The following NT5C3A variants were observed in gnomAD, a reference collection of about 807,000 sequenced individuals.
NT5C3A encodes cytosolic 5'-nucleotidase 3A.
Under a neutral mutation model 40.0 loss-of-function variants are expected in NT5C3A, and 23 were observed. That is an observed-to-expected ratio of 0.58 (90% CI 0.41 to 0.81). NT5C3A has a LOEUF of 0.81. Among genes scored for constraint, NT5C3A ranks in the 40% least tolerant of loss-of-function variants. The pLI is 0.00. For synonymous variants in NT5C3A, 130 were observed against 141.4 expected (o/e 0.92, Z 0.57); for missense variants, 328 against 403.0 (o/e 0.81, Z 1.59).
At chr7:33,018,833 CAA>C (rs1229517488) in intron 6 of NT5C3A, among the ~76,000 whole-genome samples, 1 of 124,018 alleles carries the variant, frequency 8.1e-6, no homozygotes. Context: ...GACTCCATCT[CAA>C]AAAAAAAAGA....
At chr7:33,014,879 CA>C in intron 8 of NT5C3A, 48 bp from the exon 9 acceptor site, 1 of 1,479,544 alleles carries the variant, frequency 6.8e-7, no homozygotes, top group Non-Finnish European at 9.4e-7. Context: ...GGCAAAGAAA[CA>C]AATAATTTCA....
In NT5C3A at chr7:33,053,263, C is replaced by T. The variant is rs1281533192; in HGVS notation, c.138+9305G>A. Among the ~76,000 whole-genome samples, 6 of 152,120 alleles carry T rather than the reference C, an allele frequency of 3.9e-5. No individual in the cohort carries two copies. In the East Asian group the frequency reaches 5.8e-4, roughly 15 times the overall value. On this transcript the variant is annotated intron_variant, in intron 1 of 8. Coordinates refer to ENST00000610140, the MANE Select transcript of NT5C3A (RefSeq NM_001002010.5). ...AGTGCAATGGTGTAATTTTGGCTCACGGCAACCTCTGCCTCCCGGGTTCAA... is the reference window on the plus strand; with the variant it reads ...AGTGCAATGGTGTAATTTTGGCTCATGGCAACCTCTGCCTCCCGGGTTCAA...
At chr7:33,025,301 A>G (rs1319876238) in intron 2 of NT5C3A, among the ~76,000 whole-genome samples, 1 of 152,228 alleles carries the variant, frequency 6.6e-6, no homozygotes, top group Non-Finnish European at 1.5e-5. Flanking sequence ...AAGCAATTCA[A>G]CTATATGAAG....
Position 33,017,595 on chromosome 7 carries a change from T to A in NT5C3A, c.537A>T (p.Gly179=). ...GGAGCTTATCAAAGAAATTCTCATA[T>A]CCTTCTCTGTAAGATGGAGATAACA... The part of the protein sequence containing the change: ...VAESDVMLKE[G]YENFFDKLQQ... The change falls in exon 7 of 9, where the codon GGA becomes GGT. Residue 179 remains glycine, a synonymous_variant. Transcript: ENST00000610140. The A allele has an allele frequency of 6.2e-7, 1 of 1,612,630 alleles. No homozygotes were observed. Among genetic ancestry groups the A allele is most frequent in the Non-Finnish European group, 8.5e-7 (1 of 1,178,616 alleles).
At chr7:33,051,414 G>A (rs958047667) in intron 1 of NT5C3A, among the ~76,000 whole-genome samples, 4 of 152,112 alleles carry the variant, frequency 2.6e-5, no homozygotes, top group African/African-American at 7.2e-5. Flanking sequence ...CGCCCGCCTC[G>A]GCCTCCCAAA....
chr7:33,020,410 C>T (rs536613727), intron 5 of NT5C3A, among the ~76,000 whole-genome samples: 140 of 152,320 alleles, frequency 9.2e-4, no homozygotes, highest in Admixed American at 2.7e-3. Context: ...AGCTCATTCT[C>T]CCAGGGAAGC....
Position 33,033,996 on chromosome 7 carries a change from T to C in NT5C3A, c.139-7081A>G, listed in dbSNP as rs1414886498. Among the ~76,000 whole-genome samples the C allele has an allele frequency of 2.6e-5, 4 of 151,536 alleles. No homozygotes were observed. In the East Asian group the frequency reaches 5.8e-4, roughly 22 times the overall value. ...AGCTCCGCCTCCTGGGTTCATGCCA[T>C]TCTCCTGCCTCAGCCTCCCGAGTAG... On this transcript the variant is annotated intron_variant, in intron 1 of 8. Coordinates refer to ENST00000610140, the MANE Select transcript of NT5C3A (RefSeq NM_001002010.5).
intron 1 of NT5C3A, among the ~76,000 whole-genome samples, chr7:33,037,397 TTCAGA>T (rs1786667106): frequency 6.6e-6 from 1 of 152,214 alleles, no homozygotes; most frequent in Admixed American, 6.5e-5. Flanking sequence ...TTTACTTTAT[TTCAGA>T]TAAGTAAAAT....
chr7:33,026,963 C>G (rs750168140), intron 1 of NT5C3A, 48 bp from the exon 2 acceptor site: 1 of 1,327,108 alleles, frequency 7.5e-7, no homozygotes, highest in South Asian at 1.2e-5. Flanking sequence ...CTTCTTTCCC[C>G]AGGTTCCTTT....
intron 1 of NT5C3A, among the ~76,000 whole-genome samples, chr7:33,056,252 TACAAA>T (rs1787561174): frequency 6.6e-6 from 1 of 151,970 alleles, no homozygotes. Flanking sequence ...GAAAATGTTT[TACAAA>T]ACAAATCAAG....
In NT5C3A at chr7:33,062,671, A is replaced by G; in HGVS notation, c.35T>C (p.Val12Ala). ...CAGGGCGCACACGCTGGCGCTCGCT[A>G]CCGCGCCCACCCTCGCCACGGCCGC... ...DRAAVARVGA[V>A]ASASVCALVA... Residue 12 changes from valine (V) to alanine (A), a missense_variant, in exon 1 of 9, where the codon GTA becomes GCA. Around this residue, in one of 3 missense-constraint regions of NT5C3A, gnomAD observed 280 missense variants for 317.2 expected, o/e 0.88. Coordinates refer to ENST00000610140, the MANE Select transcript of NT5C3A (RefSeq NM_001002010.5). The G allele has an allele frequency of 6.3e-7, 1 of 1,580,264 alleles. No homozygotes were observed. The highest frequency in any genetic ancestry group is 8.6e-7 in the Non-Finnish European group (1 of 1,164,342).
chr7:33,035,935 A>G lies in NT5C3A; in HGVS notation c.139-9020T>C, dbSNP rs1366794440. 2.5e-6 allele frequency: 4 copies of G among 1,612,294 alleles called. No individual in the cohort carries two copies. The East Asian group carries it at 6.7e-5, about 27-fold the overall frequency. ...AACTGGAAATAGGCAAATACCCACCATTTTCACATGTACGGCAGACTCTTG... is the reference window on the plus strand; with the variant it reads ...AACTGGAAATAGGCAAATACCCACCGTTTTCACATGTACGGCAGACTCTTG... On this transcript the variant is annotated intron_variant, in intron 1 of 8. Coordinates refer to ENST00000610140, the MANE Select transcript of NT5C3A (RefSeq NM_001002010.5).
chr7:33,017,597 C>T lies in NT5C3A; in HGVS notation c.535G>A (p.Gly179Arg). 6.2e-7 allele frequency: 1 copy of T among 1,612,382 alleles called. No individual in the cohort carries two copies. Among genetic ancestry groups the T allele is most frequent in the Non-Finnish European group, 8.5e-7 (1 of 1,178,420 alleles). Reference protein sequence around the residue: ...VAESDVMLKEGYENFFDKLQQ... With the variant: ...VAESDVMLKERYENFFDKLQQ... ...AGCTTATCAAAGAAATTCTCATATCCTTCTCTGTAAGATGGAGATAACAAA... is the reference window on the plus strand; with the variant it reads ...AGCTTATCAAAGAAATTCTCATATCTTTCTCTGTAAGATGGAGATAACAAA... The change falls in exon 7 of 9, where the codon GGA becomes AGA. Residue 179 changes from glycine (G) to arginine (R), a missense_variant. Physicochemically the swap from Gly to Arg is moderately radical, Grantham distance 125 (BLOSUM62 -2). Transcript: ENST00000610140.
At chr7:33,052,008 C>T (rs972786385) in intron 1 of NT5C3A, among the ~76,000 whole-genome samples, 4 of 152,212 alleles carry the variant, frequency 2.6e-5, no homozygotes, top group African/African-American at 9.6e-5. Context: ...TTCCTGGTCT[C>T]ATCCTCCCAA....
intron 1 of NT5C3A, among the ~76,000 whole-genome samples, chr7:33,042,328 C>CA (rs201689684): frequency 0.01 from 1,502 of 150,094 alleles, 25 homozygotes; most frequent in African/African-American, 0.031. Flanking sequence ...AAAACTGTCT[C>CA]AAAAAAAACA....
At position 33,014,138 on chromosome 7, in the gene NT5C3A, G is replaced by T. The variant is rs552324008; in HGVS notation, c.*592C>A. 3.3e-4 allele frequency: 144 copies of T among 438,212 alleles called. 1 individual carries two copies. Among genetic ancestry groups the T allele is most frequent in the East Asian group, 6.3e-4 (9 of 14,178 alleles). 27.1% of individuals were successfully genotyped at this position (438,212 alleles called of 1,614,324 possible). A position where few individuals can be genotyped will look rare whatever the true frequency, so the allele number is the denominator to read the frequency against. On this transcript the variant is annotated 3_prime_UTR_variant, in exon 9 of 9. Transcript: ENST00000610140. ...TAGTTTTGACCATAGAATTAAAAAG[G>T]TTTTGCATTTCATATTTATTATCAG...
chr7:33,017,673 A>G lies in NT5C3A; in HGVS notation c.531-72T>C, dbSNP rs1785413028. 3 of 1,180,342 alleles carry G rather than the reference A, an allele frequency of 2.5e-6. No homozygotes were observed. In the Admixed American group the frequency reaches 5.0e-5, roughly 20 times the overall value. The allele number at this position is 1,180,342 out of a possible 1,614,324, so 73.1% of individuals were successfully genotyped here. A position where few individuals can be genotyped will look rare whatever the true frequency, so the allele number is the denominator to read the frequency against. ...TTCCTTTTTACTTAGAAGCTAAAAA[A>G]GTGAAATATTCCTAGTAATTCTATG... On this transcript the variant is annotated intron_variant, in intron 6 of 8. Transcript: ENST00000610140.
intron 1 of NT5C3A, chr7:33,036,264 C>T (rs1243059414): frequency 4.2e-5 from 18 of 429,318 alleles, no homozygotes; most frequent in Non-Finnish European, 6.9e-5. Flanking sequence ...GAAACACCGG[C>T]GGCACATATT....
chr7:33,055,438 T>C (rs948505056), intron 1 of NT5C3A, among the ~76,000 whole-genome samples: 1 of 152,256 alleles, frequency 6.6e-6, no homozygotes, highest in Non-Finnish European at 1.5e-5. Flanking sequence ...TCATTTTTGT[T>C]GGAAGGTGGC....
Sources: gnomAD v4.1 joint callset for allele counts (sites outside exome capture counted in the v4.1 genomes callset) on GRCh38, gnomAD v4.1.1 for gene constraint, gnomAD v4.1.1 regional missense constraint, MANE v1.5 for transcripts, NCBI Gene and HGNC (gene_info 2026-07-23, HGNC 2026-07-21) for gene names.